TRDN: variants seen among roughly 807,000 people sequenced by gnomAD.
TRDN encodes the protein triadin.
A neutral mutation model predicts 149.7 loss-of-function variants in TRDN; 161 were observed. The observed-to-expected ratio is 1.08, with a 90% confidence interval of 0.95 to 1.23. The LOEUF is 1.23. Ranked by LOEUF, TRDN falls within the 50% of genes most tolerant of loss-of-function variation. The pLI is 0.00. For missense variants in TRDN, 896 were observed against 823.5 expected (o/e 1.09, Z -1.08); for synonymous variants, 294 against 250.5 (o/e 1.17, Z -1.64).
intron 5 of TRDN, among the ~76,000 whole-genome samples, chr6:123,521,475 T>C (rs1779675803): frequency 6.6e-6 from 1 of 151,946 alleles, no homozygotes; most frequent in Non-Finnish European, 1.5e-5. Flanking sequence ...GAGAACTTCA[T>C]CTACAAGGCC....
rs2114570771 is a variant in TRDN at position 123,252,436 on chromosome 6, C to T, written c.1952-1G>A. 6.6e-7 allele frequency: 1 copy of T among 1,508,564 alleles called. No individual in the cohort carries two copies. Among genetic ancestry groups the T allele is most frequent in the Non-Finnish European group, 9.0e-7 (1 of 1,105,736 alleles). 93.4% of individuals were successfully genotyped at this position (1,508,564 alleles called of 1,614,324 possible). Reference sequence around the variant, plus strand: ...CTTGATACTCTTGCAGGTTTTTCTGCTAAAAAGAGAAAATAAATAAGTTTT... The same window carrying T: ...CTTGATACTCTTGCAGGTTTTTCTGTTAAAAAGAGAAAATAAATAAGTTTT... On this transcript the variant is annotated splice_acceptor_variant, in intron 37 of 40. Coordinates refer to ENST00000334268, the MANE Select transcript of TRDN (RefSeq NM_006073.4). LOFTEE classifies it high-confidence loss of function.
chr6:123,369,394 C>T (rs1781237246), intron 19 of TRDN, among the ~76,000 whole-genome samples: 1 of 152,004 alleles, frequency 6.6e-6, no homozygotes, highest in Non-Finnish European at 1.5e-5. Context: ...GTGGGAGGCA[C>T]GAATCAACCC....
intron 1 of TRDN, among the ~76,000 whole-genome samples, chr6:123,584,547 G>A (rs1248815288): frequency 2.6e-5 from 4 of 151,752 alleles, no homozygotes; most frequent in Admixed American, 1.3e-4. Flanking sequence ...GAGATTAATC[G>A]GACACGATCA....
At chr6:123,319,227 T>G (rs1779149646) in intron 23 of TRDN, among the ~76,000 whole-genome samples, 1 of 152,068 alleles carries the variant, frequency 6.6e-6, no homozygotes, top group African/African-American at 2.4e-5. Context: ...TTTCTCTTTT[T>G]TTTTTAAACA....
At chr6:123,456,428 A>T (rs1355363052) in intron 10 of TRDN, among the ~76,000 whole-genome samples, 1 of 152,148 alleles carries the variant, frequency 6.6e-6, no homozygotes, top group Non-Finnish European at 1.5e-5. Context: ...AGTAAATTAC[A>T]AATGTTTTTA....
intron 1 of TRDN, among the ~76,000 whole-genome samples, chr6:123,616,413 TTTTC>T (rs1285622832): frequency 2.0e-5 from 3 of 152,094 alleles, no homozygotes; most frequent in African/African-American, 7.2e-5. Context: ...AAATCAAATG[TTTTC>T]TTTTAGTGCT....
intron 2 of TRDN, among the ~76,000 whole-genome samples, chr6:123,563,560 G>T (rs1782114170): frequency 6.6e-6 from 1 of 152,110 alleles, no homozygotes; most frequent in Middle Eastern, 3.2e-3. Flanking sequence ...TTTTTTGTAG[G>T]TTTATAGATT....
intron 24 of TRDN, among the ~76,000 whole-genome samples, chr6:123,299,964 A>G (rs1778344235): frequency 6.6e-6 from 1 of 152,150 alleles, no homozygotes; most frequent in South Asian, 2.1e-4. Context: ...TGTCAGAGTA[A>G]CTTACAAATT....
intron 2 of TRDN, among the ~76,000 whole-genome samples, chr6:123,566,219 A>T (rs1293937863): frequency 6.6e-6 from 1 of 152,208 alleles, no homozygotes; most frequent in Non-Finnish European, 1.5e-5. Context: ...GTCTCATTTG[A>T]TAAGAAGAAT....
At chr6:123,586,025 C>G (rs190610468) in intron 1 of TRDN, among the ~76,000 whole-genome samples, 2,489 of 152,024 alleles carry the variant, frequency 0.016, 29 homozygotes, top group Non-Finnish European at 0.026. Flanking sequence ...GCCTTTTGAC[C>G]TTTTAGGGTC....
chr6:123,338,980 T>C (rs1399788215), intron 21 of TRDN, among the ~76,000 whole-genome samples: 1 of 152,120 alleles, frequency 6.6e-6, no homozygotes, highest in Admixed American at 6.6e-5. Flanking sequence ...GCCATTTTAA[T>C]TGCATAACTG....
At chr6:123,628,732 T>C (rs1785806920) in intron 1 of TRDN, among the ~76,000 whole-genome samples, 5 of 152,138 alleles carry the variant, frequency 3.3e-5, no homozygotes, top group Admixed American at 2.6e-4. Flanking sequence ...TTTTTGCTCT[T>C]TTCTTTTTGT....
intron 24 of TRDN, among the ~76,000 whole-genome samples, chr6:123,283,224 C>T (rs932243711): frequency 2.6e-5 from 4 of 151,738 alleles, no homozygotes; most frequent in African/African-American, 9.7e-5. Context: ...ATCATTGGGT[C>T]AACAATGAAA....
At chr6:123,223,490 A>G (rs891011860) in intron 39 of TRDN, among the ~76,000 whole-genome samples, 2 of 151,794 alleles carry the variant, frequency 1.3e-5, no homozygotes, top group African/African-American at 4.8e-5. Context: ...AGCCCTAATG[A>G]AAAAGCCAGG....
intron 8 of TRDN, chr6:123,502,347 T>A: frequency 1.3e-6 from 1 of 758,298 alleles, no homozygotes; most frequent in Non-Finnish European, 1.6e-6. Context: ...ATTTTTTTCA[T>A]GGTGATATAA....
At chr6:123,547,952 A>G (rs746128469) in intron 3 of TRDN, among the ~76,000 whole-genome samples, 28 of 152,030 alleles carry the variant, frequency 1.8e-4, no homozygotes, top group Non-Finnish European at 4.0e-4. Flanking sequence ...GTGTCCTTCT[A>G]TTCTACACCA....
intron 5 of TRDN, among the ~76,000 whole-genome samples, chr6:123,518,040 T>C (rs927819916): frequency 6.6e-6 from 1 of 152,180 alleles, no homozygotes; most frequent in East Asian, 1.9e-4. Flanking sequence ...TGTTAAGAGC[T>C]AGTTTTATCG....
intron 8 of TRDN, chr6:123,498,692 T>C (rs1337228195): frequency 2.2e-6 from 1 of 453,274 alleles, no homozygotes. Flanking sequence ...TATTTTCTCT[T>C]TTCTAGACAT....
chr6:123,424,393 A>G (rs1177577519), intron 12 of TRDN, among the ~76,000 whole-genome samples: 2 of 152,122 alleles, frequency 1.3e-5, no homozygotes, highest in East Asian at 3.9e-4. Context: ...AGCAAAGTTG[A>G]AGTCACGGCT....
Sources: allele counts gnomAD v4.1 joint callset (sites outside exome capture counted in the v4.1 genomes callset), GRCh38; gene constraint gnomAD v4.1.1; transcripts MANE v1.5; gene names NCBI Gene and HGNC (gene_info 2026-07-23, HGNC 2026-07-21).